FAM216A: variants seen among roughly 807,000 people sequenced by gnomAD.
FAM216A encodes the protein family with sequence similarity 216 member A.
In FAM216A, 26 loss-of-function variants were observed where a neutral mutation model predicts 37.6. That is an observed-to-expected ratio of 0.69 (90% CI 0.51 to 0.96). FAM216A has a LOEUF of 0.96. FAM216A is among the 40% of genes least tolerant of loss of function. The pLI is 0.00. For missense variants in FAM216A, 326 were observed against 339.3 expected, an observed-to-expected ratio of 0.96 and a Z score of 0.31; for synonymous variants, 110 against 121.7, an observed-to-expected ratio of 0.90 and a Z score of 0.64.
At chr12:110,471,547 C>T (rs905311567) in intron 1 of FAM216A, among the ~76,000 whole-genome samples, 4 of 152,152 alleles carry the variant, frequency 2.6e-5, no homozygotes, top group African/African-American at 4.8e-5. Context: ...TCAAAACTCC[C>T]TCATACCTTA....
chr12:110,477,053 T>A (rs1010173792), intron 2 of FAM216A, among the ~76,000 whole-genome samples: 28 of 152,122 alleles, frequency 1.8e-4, no homozygotes, highest in African/African-American at 6.5e-4. Context: ...TTCCCTAAAT[T>A]TGGGTTTGTT....
chr12:110,469,086 T>C (rs1156893163), intron 1 of FAM216A, 68 bp downstream of exon 1: 104 of 1,359,914 alleles, frequency 7.6e-5, no homozygotes, highest in Non-Finnish European at 9.5e-5. Context: ...CCCCGGGTCG[T>C]GAGCCCCGTG....
chr12:110,470,693 G>A (rs1208722585), intron 1 of FAM216A, among the ~76,000 whole-genome samples: 2 of 151,930 alleles, frequency 1.3e-5, no homozygotes, highest in African/African-American at 2.4e-5. Context: ...AATCCTGGAA[G>A]GTTCTATTAT....
At chr12:110,469,446 T>C (rs762366689) in intron 1 of FAM216A, among the ~76,000 whole-genome samples, 38 of 152,074 alleles carry the variant, frequency 2.5e-4, no homozygotes, top group Non-Finnish European at 4.9e-4. Flanking sequence ...ACCAGTTCCT[T>C]CCCTCTAGTG....
intron 2 of FAM216A, among the ~76,000 whole-genome samples, chr12:110,477,718 T>C (rs1021450426): frequency 6.6e-5 from 10 of 150,684 alleles, no homozygotes; most frequent in Non-Finnish European, 1.3e-4. Flanking sequence ...TGCTTTTTCT[T>C]TTTTTTTGAG....
chr12:110,476,222 C>T (rs868369809), intron 2 of FAM216A, among the ~76,000 whole-genome samples: 52 of 144,732 alleles, frequency 3.6e-4, no homozygotes, highest in South Asian at 2.1e-4. Flanking sequence ...TTTTTTGAGA[C>T]GGAGTTTTGC....
At chr12:110,479,531 G>GA (rs561234124) in intron 2 of FAM216A, among the ~76,000 whole-genome samples, 17,939 of 136,942 alleles carry the variant, frequency 0.13, 1,216 homozygotes, top group African/African-American at 0.21. Context: ...ACATGCTTCT[G>GA]AAAAAAAAAA....
Position 110,468,992 on chromosome 12 carries a change from G to C in FAM216A, c.117G>C (p.Val39=), listed in dbSNP as rs948663646. 1.3e-5 allele frequency: 20 copies of C among 1,496,630 alleles called. No homozygotes were observed. Among genetic ancestry groups the C allele is most frequent in the Non-Finnish European group, 1.8e-5 (20 of 1,124,010 alleles). The allele number at this position is 1,496,630 out of a possible 1,614,324, so 92.7% of individuals were successfully genotyped here. ...GCTCTTCTGCAGAGCCGCCCGCTGT[G>C]GCCGGGACCGAGGGTGGCGGCGGCG... ...ERSSSAEPPA[V]AGTEGGGGGS... Residue 39 remains valine, a synonymous_variant, in exon 1 of 7, where the codon GTG becomes GTC. Coordinates refer to ENST00000377673, the MANE Select transcript of FAM216A (RefSeq NM_013300.3).
At chr12:110,484,701 T>C (rs2062766842) in intron 2 of FAM216A, among the ~76,000 whole-genome samples, 1 of 151,790 alleles carries the variant, frequency 6.6e-6, no homozygotes, top group Admixed American at 6.6e-5. Flanking sequence ...TAAGTCTGAG[T>C]GAAAATATTC....
Position 110,468,993 on chromosome 12 carries a change from G to A in FAM216A, c.118G>A (p.Ala40Thr). The change falls in exon 1 of 7, where the codon GCC (alanine) becomes ACC (threonine). Residue 40 changes from alanine (A) to threonine (T), a missense_variant. Physicochemically the swap from Ala to Thr is moderately conservative, Grantham distance 58. Coordinates refer to ENST00000377673, the MANE Select transcript of FAM216A (RefSeq NM_013300.3). Reference protein sequence around the residue: ...RSSSAEPPAVAGTEGGGGGSA... With the variant: ...RSSSAEPPAVTGTEGGGGGSA... Reference sequence around the variant, plus strand: ...CTCTTCTGCAGAGCCGCCCGCTGTGGCCGGGACCGAGGGTGGCGGCGGCGG... The same window carrying A: ...CTCTTCTGCAGAGCCGCCCGCTGTGACCGGGACCGAGGGTGGCGGCGGCGG... 6.7e-7 allele frequency: 1 copy of A among 1,496,726 alleles called. No homozygotes were observed. The highest frequency in any genetic ancestry group is 2.6e-5 in the East Asian group (1 of 38,394). The allele number at this position is 1,496,726 out of a possible 1,614,324, so 92.7% of individuals were successfully genotyped here.
chr12:110,490,308 T>C lies in FAM216A; in HGVS notation c.*171T>C, dbSNP rs1455339952. 3.3e-6 allele frequency: 2 copies of C among 606,906 alleles called. No individual in the cohort carries two copies. The highest frequency in any genetic ancestry group is 5.8e-5 in the East Asian group (2 of 34,300). 37.6% of individuals were successfully genotyped at this position (606,906 alleles called of 1,614,324 possible). The stretch of plus-strand genomic sequence containing the variant: ...CTGATGTAGTTCCATGTACCAATGA[T>C]AGTTATGTAAGAAAATTTACATGTA... On this transcript the variant is annotated 3_prime_UTR_variant, in exon 7 of 7. Transcript: ENST00000377673.
intron 1 of FAM216A, 44 bp downstream of exon 1, chr12:110,469,062 C>A: frequency 7.2e-7 from 1 of 1,385,124 alleles, no homozygotes; most frequent in Non-Finnish European, 9.3e-7. Flanking sequence ...CATGGGGCCC[C>A]CGGGTCGTGA....
intron 6 of FAM216A, 87 bp from the exon 7 acceptor site, chr12:110,489,932 C>T: frequency 1.5e-6 from 1 of 673,828 alleles, no homozygotes; most frequent in South Asian, 1.7e-5. Context: ...TTACTACAGG[C>T]TTATTAATAA....
Position 110,490,166 on chromosome 12 carries a change from C to A in FAM216A, c.*29C>A. On this transcript the variant is annotated 3_prime_UTR_variant, in exon 7 of 7. Coordinates refer to ENST00000377673, the MANE Select transcript of FAM216A (RefSeq NM_013300.3). ...TCTTGTCTCGTGTATTGAATTCGTG[C>A]CAAAGGTGAGGGTAAGGGGTTGTGA... 8.9e-7 allele frequency: 1 copy of A among 1,117,796 alleles called. No homozygotes were observed. 69.2% of individuals were successfully genotyped at this position (1,117,796 alleles called of 1,614,324 possible).
Position 110,486,686 on chromosome 12 carries a change from T to C in FAM216A, c.589T>C (p.Ser197Pro). ...TGCACCTGAAATGCTCATACAGCAT[T>C]CCCTTTGGCGGCCAGTGAGAAACAA... The part of the protein sequence containing the change: ...ASAPEMLIQH[S>P]LWRPVRNKEG... The change falls in exon 5 of 7, where the codon TCC becomes CCC. Residue 197 changes from serine (S) to proline (P), a missense_variant. Transcript: ENST00000377673. 2 of 1,613,900 alleles carry C rather than the reference T, an allele frequency of 1.2e-6. No homozygotes were observed. Among genetic ancestry groups the C allele is most frequent in the Non-Finnish European group, 1.7e-6 (2 of 1,179,954 alleles).
intron 5 of FAM216A, 74 bp from the exon 6 acceptor site, chr12:110,487,787 T>TG: frequency 1.2e-6 from 1 of 866,470 alleles, no homozygotes; most frequent in Non-Finnish European, 1.9e-6. Flanking sequence ...AAAACAAATT[T>TG]GTGTGGTCTT....
In FAM216A at chr12:110,468,950, C is replaced by T; in HGVS notation, c.75C>T (p.Ser25=). The T allele has an allele frequency of 2.0e-6, 3 of 1,525,032 alleles. No individual in the cohort carries two copies. The highest frequency in any genetic ancestry group is 2.6e-6 in the Non-Finnish European group (3 of 1,139,874). The allele number at this position is 1,525,032 out of a possible 1,614,324, so 94.5% of individuals were successfully genotyped here. Residue 25 remains serine (S), a synonymous_variant, in exon 1 of 7, where the codon TCC becomes TCT. Transcript: ENST00000377673. The part of the protein sequence containing the change: ...AAEMPGQGPG[S]DWTERSSSAE... ...AGATGCCCGGCCAGGGTCCGGGGTC[C>T]GACTGGACGGAGCGTAGCTCTTCTG... is the stretch of plus-strand genomic sequence containing the variant.
intron 6 of FAM216A, among the ~76,000 whole-genome samples, chr12:110,489,407 G>A (rs1471262930): frequency 6.6e-6 from 1 of 151,992 alleles, no homozygotes; most frequent in African/African-American, 2.4e-5. Context: ...GGGAGGCTGA[G>A]GCAGGAGAAT....
Position 110,490,151 on chromosome 12 carries a change from T to C in FAM216A, c.*14T>C. 7.8e-7 allele frequency: 1 copy of C among 1,287,726 alleles called. No homozygotes were observed. The highest frequency in any genetic ancestry group is 1.1e-6 in the Non-Finnish European group (1 of 882,078). 79.8% of individuals were successfully genotyped at this position (1,287,726 alleles called of 1,614,324 possible). On this transcript the variant is annotated 3_prime_UTR_variant, in exon 7 of 7. Transcript: ENST00000377673. Reference sequence around the variant, plus strand: ...ATGTTAACTTGACAGTCTTGTCTCGTGTATTGAATTCGTGCCAAAGGTGAG... The same window carrying C: ...ATGTTAACTTGACAGTCTTGTCTCGCGTATTGAATTCGTGCCAAAGGTGAG...
Sources: gnomAD v4.1 joint callset for allele counts (sites outside exome capture counted in the v4.1 genomes callset) on GRCh38, gnomAD v4.1.1 for gene constraint, MANE v1.5 for transcripts, NCBI Gene and HGNC (gene_info 2026-07-23, HGNC 2026-07-21) for gene names.